The following ZAN variants were observed in gnomAD, a reference collection of about 807,000 sequenced individuals.
The protein encoded by ZAN is zonadhesin (gene/pseudogene).
A neutral mutation model predicts 286.2 loss-of-function variants in ZAN; 260 were observed. The observed-to-expected ratio is 0.91, with a 90% CI of 0.82 to 1.01. ZAN has a LOEUF of 1.01. Ranked by LOEUF, ZAN falls within the 50% of genes least tolerant of loss-of-function variation. The pLI is 0.00. For missense variants in ZAN, 3,410 were observed against 3,639.2 expected, an observed-to-expected ratio of 0.94 and a Z score of 1.62; for synonymous variants, 1,368 against 1,417.5, an observed-to-expected ratio of 0.97 and a Z score of 0.79.
chr7:100,733,995 A>C, intron 1 of ZAN, 32 bp from the exon 2 acceptor site: 1 of 435,984 alleles, frequency 2.3e-6, no homozygotes, highest in Non-Finnish European at 4.4e-6. Flanking sequence ...ACTGGATGGT[A>C]ACTTTCAACT....
chr7:100,748,875 AT>A (rs11353419), intron 11 of ZAN, among the ~76,000 whole-genome samples: 31,298 of 150,924 alleles, frequency 0.21, 3,353 homozygotes, highest in Non-Finnish European at 0.24. Context: ...AGAAAAAAAA[AT>A]TTTTTTTTAA....
intron 7 of ZAN, among the ~76,000 whole-genome samples, chr7:100,746,164 G>A (rs369550073): frequency 5.3e-5 from 8 of 152,096 alleles, no homozygotes; most frequent in East Asian, 1.9e-4. Context: ...GGGAGGTTGA[G>A]TCTGCAGTGA....
chr7:100,784,767 T>C lies in ZAN; in HGVS notation c.6767T>C (p.Leu2256Pro), dbSNP rs2116267571. ...TGCATTTGTCAGCCCGGCTATGTGC[T>C]GAGTGAAGACAAGTGTGTCCCCAGA... is the stretch of plus-strand genomic sequence containing the variant. ...EGCICQPGYV[L>P]SEDKCVPRSQ... The change falls in exon 36 of 48, where the codon CTG (leucine) becomes CCG (proline). Residue 2256 changes from leucine to proline, a missense_variant. Physicochemically the swap from Leu to Pro is moderately conservative, Grantham distance 98 (BLOSUM62 -3). Coordinates refer to ENST00000613979, the MANE Select transcript of ZAN (RefSeq NM_003386.3). 1 of 1,613,778 alleles carries C rather than the reference T, an allele frequency of 6.2e-7. No homozygotes were observed. Among genetic ancestry groups the C allele is most frequent in the South Asian group, 1.1e-5 (1 of 91,072 alleles).
chr7:100,781,119 G>A (rs954610624), intron 35 of ZAN, among the ~76,000 whole-genome samples: 2 of 152,042 alleles, frequency 1.3e-5, no homozygotes, highest in Non-Finnish European at 2.9e-5. Flanking sequence ...CCAGGCTGGA[G>A]TGCAGTGGTG....
chr7:100,788,218 T>G, intron 38 of ZAN, 82 bp downstream of exon 38: 1 of 1,398,122 alleles, frequency 7.2e-7, no homozygotes, highest in Non-Finnish European at 9.4e-7. Flanking sequence ...CAGGGATCCC[T>G]GTTCCCTGGG....
intron 24 of ZAN, 62 bp from the exon 25 acceptor site, chr7:100,766,948 C>G (rs1362827772): frequency 6.3e-7 from 1 of 1,595,744 alleles, no homozygotes; most frequent in African/African-American, 1.3e-5. Flanking sequence ...GATGGCAGCT[C>G]TGAGTCAAAG....
chr7:100,738,871 T>TCTTCTTCTTCTTCTTCTTCTC (rs1562911218), intron 7 of ZAN, among the ~76,000 whole-genome samples: 1 of 23,704 alleles, frequency 4.2e-5, no homozygotes, highest in Non-Finnish European at 8.9e-5. Context: ...TTCCTCTTCT[T>TCTTCTTCTTCTTCTTCTTCTC]CTTCTCCCTC....
Position 100,794,275 on chromosome 7 carries a change from G to C in ZAN, c.8125+17G>C. The stretch of plus-strand genomic sequence containing the variant: ...GCTTTCCAGGTGAACCTGCACTCCT[G>C]CCCGGTTCCAAGCTGCCCCATGCCC... On this transcript the variant is annotated intron_variant, in intron 44 of 47. Coordinates refer to ENST00000613979, the MANE Select transcript of ZAN (RefSeq NM_003386.3). 6.3e-7 allele frequency: 1 copy of C among 1,581,316 alleles called. No individual in the cohort carries two copies. The highest frequency in any genetic ancestry group is 8.6e-7 in the Non-Finnish European group (1 of 1,163,190).
At chr7:100,734,405 G>A in intron 2 of ZAN, among the ~76,000 whole-genome samples, 184 bp downstream of exon 2, 1 of 140,362 alleles carries the variant, frequency 7.1e-6, no homozygotes, top group Admixed American at 7.1e-5. Flanking sequence ...AGATCACGAG[G>A]TCAGGAGATC....
intron 39 of ZAN, among the ~76,000 whole-genome samples, chr7:100,789,900 G>A (rs1023963261): frequency 1.3e-5 from 2 of 151,770 alleles, no homozygotes; most frequent in Non-Finnish European, 2.9e-5. Context: ...AGCTGAGATC[G>A]TGCCACTGCA....
At chr7:100,783,763 A>AAT (rs1554409733) in intron 35 of ZAN, among the ~76,000 whole-genome samples, 310 of 7,478 alleles carry the variant, frequency 0.041, 28 homozygotes, top group African/African-American at 0.14. Flanking sequence ...AAAAAAAAAA[A>AAT]ATATATATAT....
chr7:100,734,077 C>A lies in ZAN; in HGVS notation c.-92C>A. On this transcript the variant is annotated 5_prime_UTR_variant, in exon 2 of 48. It introduces an in-frame stop codon into an upstream open reading frame of the 5' UTR. Transcript: ENST00000613979. Reference sequence around the variant, plus strand: ...TCTTCATGGCATCCTTGGAAGGATGCCAAGCTAAGGAGGCCAGGGGGGAAT... The same window carrying A: ...TCTTCATGGCATCCTTGGAAGGATGACAAGCTAAGGAGGCCAGGGGGGAAT... 1.2e-6 allele frequency: 1 copy of A among 813,152 alleles called. No homozygotes were observed. Among genetic ancestry groups the A allele is most frequent in the Non-Finnish European group, 2.0e-6 (1 of 503,144 alleles). The allele number at this position is 813,152 out of a possible 1,614,324, so 50.4% of individuals were successfully genotyped here.
rs1414216631 is a variant in ZAN at position 100,791,820 on chromosome 7, T to C, written c.7530-146T>C. 24 of 951,700 alleles carry C rather than the reference T, an allele frequency of 2.5e-5. No homozygotes were observed. The East Asian group carries it at 4.9e-4, about 19-fold the overall frequency. 59.0% of individuals were successfully genotyped at this position (951,700 alleles called of 1,614,324 possible). On this transcript the variant is annotated intron_variant, in intron 40 of 47. Transcript: ENST00000613979. ...TTGGCTCACTGCAGTTTCCACCTCCTGGGCTCAAGTCATCCTCCTGCCTCA... is the reference window on the plus strand; with the variant it reads ...TTGGCTCACTGCAGTTTCCACCTCCCGGGCTCAAGTCATCCTCCTGCCTCA...
At chr7:100,772,628 T>G (rs1295397159) in intron 29 of ZAN, among the ~76,000 whole-genome samples, 1 of 151,808 alleles carries the variant, frequency 6.6e-6, no homozygotes, top group Non-Finnish European at 1.5e-5. Context: ...GAGACCATCC[T>G]GGCTAACACG....
Position 100,767,914 on chromosome 7 carries a change from C to T in ZAN, c.4944C>T (p.Leu1648=). The T allele has an allele frequency of 1.2e-6, 2 of 1,614,016 alleles. No individual in the cohort carries two copies. The highest frequency in any genetic ancestry group is 1.7e-6 in the Non-Finnish European group (2 of 1,179,886). The change falls in exon 26 of 48, where the codon CTC becomes CTT. Residue 1648 remains leucine, a synonymous_variant. Transcript: ENST00000613979. ...TIRLSSNLVL[L]YTNFGLQVRY... is the part of the protein sequence containing the mutation. ...GGCTCAGCAGCAACCTCGTCCTCCT[C>T]TACACGAACTTTGGGCTCCAAGTTC...
intron 15 of ZAN, among the ~76,000 whole-genome samples, chr7:100,757,919 TAAAA>T (rs76692637): frequency 9.5e-6 from 1 of 105,004 alleles, no homozygotes. Context: ...TCCAAAACGT[TAAAA>T]AAAAAAAAAA....
At chr7:100,746,732 CT>C in intron 8 of ZAN, 30 bp downstream of exon 8, 1 of 1,609,598 alleles carries the variant, frequency 6.2e-7, no homozygotes, top group Non-Finnish European at 8.5e-7. Context: ...GGGATTTACA[CT>C]GATCTGGGCG....
chr7:100,773,355 AAAC>A lies in ZAN; in HGVS notation c.5500_5502del (p.Asn1834del), dbSNP rs1810519651. ...CCTGCCCAGACACCTGCAGCAGCAT[AAAC>A]AACCCGAGGGACTGCCCCAAAGCAC... is the stretch of plus-strand genomic sequence containing the variant. On this transcript the variant is annotated inframe_deletion, in exon 30 of 48. Coordinates refer to ENST00000613979, the MANE Select transcript of ZAN (RefSeq NM_003386.3). 6.2e-7 allele frequency: 1 copy of A among 1,613,826 alleles called. No individual in the cohort carries two copies. The highest frequency in any genetic ancestry group is 8.5e-7 in the Non-Finnish European group (1 of 1,179,890).
Position 100,763,729 on chromosome 7 carries a change from G to C in ZAN, c.3987-77G>C. 1 of 1,479,630 alleles carries C rather than the reference G, an allele frequency of 6.8e-7. No homozygotes were observed. Among genetic ancestry groups the C allele is most frequent in the Middle Eastern group, 1.7e-4 (1 of 5,728 alleles). 91.7% of individuals were successfully genotyped at this position (1,479,630 alleles called of 1,614,324 possible). A position where few individuals can be genotyped will look rare whatever the true frequency, so the allele number is the denominator to read the frequency against. On this transcript the variant is annotated intron_variant, in intron 20 of 47. Coordinates refer to ENST00000613979, the MANE Select transcript of ZAN (RefSeq NM_003386.3). This position sits in a 1 kb window ranked among gnomAD's most constrained non-coding sequence, Gnocchi z 4.6. ...CTGGTTTGCCGGTCCCGGCCTGCCA[G>C]CCTTGCTGCCTGCTGGGTTAGGGAT...
Sources: allele counts gnomAD v4.1 joint callset (sites outside exome capture counted in the v4.1 genomes callset), GRCh38; gene constraint gnomAD v4.1.1; non-coding constraint Gnocchi (gnomAD v3.1); transcripts MANE v1.5; gene names NCBI Gene and HGNC (gene_info 2026-07-23, HGNC 2026-07-21).